Variants in CNTN6 observed in about 807,000 individuals in gnomAD.
The protein encoded by CNTN6 is contactin-6.
CNTN6 carries 137 observed loss-of-function variants against 122.8 expected under a neutral mutation model. The ratio of observed to expected loss-of-function variants is 1.12; its 90% CI spans 0.97 to 1.29. CNTN6 has a LOEUF of 1.29. CNTN6 is among the 50% of genes most tolerant of loss of function. The pLI is 0.00. For synonymous variants in CNTN6, 570 were observed against 426.0 expected (o/e 1.34, Z -4.16); for missense variants, 1,634 against 1,223.4 (o/e 1.34, Z -5.01).
chr3:1,254,268 T>G (rs1460363191), intron 4 of CNTN6, among the ~76,000 whole-genome samples: 1 of 152,156 alleles, frequency 6.6e-6, no homozygotes, highest in Non-Finnish European at 1.5e-5. Flanking sequence ...AAATTTTTAT[T>G]GTCTTTGTTT....
At chr3:1,370,429 C>T (rs1455277741) in intron 12 of CNTN6, among the ~76,000 whole-genome samples, 1 of 152,014 alleles carries the variant, frequency 6.6e-6, no homozygotes. Flanking sequence ...AGCACACCAA[C>T]ATGGATCCCT....
At chr3:1,144,616 G>C (rs1357374309) in intron 1 of CNTN6, among the ~76,000 whole-genome samples, 1 of 133,088 alleles carries the variant, frequency 7.5e-6, no homozygotes, top group African/African-American at 2.6e-5. Context: ...AATAAAAAAA[G>C]AATGAAGGGG....
rs76570009 is a variant in CNTN6, at chr3:1,175,268, A to C, written c.55+27205A>C. 9.5e-3 allele frequency among the ~76,000 whole-genome samples: 1,430 copies of C among 151,212 alleles called. 29 individuals are homozygous for C. Among genetic ancestry groups the C allele is most frequent in the African/African-American group, 0.034 (1,369 of 40,616 alleles). On this transcript the variant is annotated intron_variant, in intron 2 of 22. Transcript: ENST00000446702. ...AAGACATATCTTTAAGAGCATGTAA[A>C]AGGAAAATTCCACTTGATCTAAGGA...
chr3:1,240,968 C>G (rs1323598270), intron 4 of CNTN6, among the ~76,000 whole-genome samples: 1 of 151,492 alleles, frequency 6.6e-6, no homozygotes, highest in East Asian at 1.9e-4. Flanking sequence ...ATGGGTGGAT[C>G]TCACAAAGTA....
At chr3:1,276,225 A>C (rs998463396) in intron 4 of CNTN6, among the ~76,000 whole-genome samples, 4 of 152,200 alleles carry the variant, frequency 2.6e-5, no homozygotes, top group African/African-American at 9.6e-5. Flanking sequence ...ACTTTATGCC[A>C]ATCTAACAGG....
intron 4 of CNTN6, among the ~76,000 whole-genome samples, chr3:1,276,287 G>T (rs1229378789): frequency 6.6e-6 from 1 of 152,094 alleles, no homozygotes; most frequent in Non-Finnish European, 1.5e-5. Flanking sequence ...GGATAATGGT[G>T]TATCAATATT....
intron 17 of CNTN6, among the ~76,000 whole-genome samples, chr3:1,380,734 C>CA (rs1483331377): frequency 2.6e-5 from 4 of 152,142 alleles, no homozygotes; most frequent in Admixed American, 6.6e-5. Flanking sequence ...GGGTGTGTCT[C>CA]AAAACCTTTA....
chr3:1,243,551 G>T (rs1254602829), intron 4 of CNTN6, among the ~76,000 whole-genome samples: 3 of 151,936 alleles, frequency 2.0e-5, no homozygotes, highest in East Asian at 1.9e-4. Context: ...GACCTTTTAG[G>T]GTCTAGGGCT....
chr3:1,103,047 AGTGAGCCAAG>A (rs2091025910), intron 1 of CNTN6, among the ~76,000 whole-genome samples: 1 of 151,606 alleles, frequency 6.6e-6, no homozygotes, highest in African/African-American at 2.4e-5. Flanking sequence ...CGGAGCTTGC[AGTGAGCCAAG>A]ATGGCGCCAC....
intron 1 of CNTN6, among the ~76,000 whole-genome samples, chr3:1,122,337 C>T (rs1028861624): frequency 2.7e-5 from 3 of 111,818 alleles, no homozygotes; most frequent in South Asian, 2.8e-4. Flanking sequence ...GAAGGGAGGG[C>T]GAGAGAGAGG....
intron 1 of CNTN6, among the ~76,000 whole-genome samples, chr3:1,139,531 G>C (rs2092561440): frequency 6.6e-6 from 1 of 151,942 alleles, no homozygotes; most frequent in Admixed American, 6.6e-5. Context: ...CATCTTGCAA[G>C]AACAACCTTA....
chr3:1,116,819 C>T (rs1211044303), intron 1 of CNTN6, among the ~76,000 whole-genome samples: 4 of 150,434 alleles, frequency 2.7e-5, no homozygotes, highest in African/African-American at 9.8e-5. Flanking sequence ...ATTCTCATAA[C>T]TCAGTCTCCC....
rs1372696142 is a variant in CNTN6 at position 1,352,180 on chromosome 3, G to T, written c.1365-144G>T. 6.6e-6 allele frequency: 4 copies of T among 605,198 alleles called. No homozygotes were observed. In the South Asian group the frequency reaches 1.6e-4, roughly 24 times the overall value. 37.5% of individuals were successfully genotyped at this position (605,198 alleles called of 1,614,324 possible). On this transcript the variant is annotated intron_variant, in intron 11 of 22. Transcript: ENST00000446702. ...TGTAGACTCAGAGATAGCTCACAAT[G>T]AAGAACAGAATAATAGGAAAGGAAA...
At chr3:1,297,350 C>T (rs960820256) in intron 6 of CNTN6, among the ~76,000 whole-genome samples, 1 of 152,104 alleles carries the variant, frequency 6.6e-6, no homozygotes, top group Non-Finnish European at 1.5e-5. Flanking sequence ...TACAACTCCT[C>T]TGGTAGGCAG....
chr3:1,107,119 C>G (rs74952218), intron 1 of CNTN6, among the ~76,000 whole-genome samples: 2,985 of 152,156 alleles, frequency 0.02, 106 homozygotes, highest in African/African-American at 0.069. Flanking sequence ...TCTGGAAACA[C>G]CCTCACAGAC....
At chr3:1,245,270 TATATACACACACATATATATATAAC>T (rs2094556660) in intron 4 of CNTN6, among the ~76,000 whole-genome samples, 6 of 4,410 alleles carry the variant, frequency 1.4e-3, no homozygotes, top group South Asian at 0.013. Context: ...TATATATATA[TATATACACACACATATATATATAAC>T]ATATATATAT....
At chr3:1,281,866 A>T (rs73111137) in intron 5 of CNTN6, among the ~76,000 whole-genome samples, 1 of 152,202 alleles carries the variant, frequency 6.6e-6, no homozygotes, top group African/African-American at 2.4e-5. Context: ...ACTTGATATT[A>T]TCAGAATATC....
intron 2 of CNTN6, among the ~76,000 whole-genome samples, chr3:1,168,109 T>C (rs561109731): frequency 5.4e-4 from 82 of 151,940 alleles, no homozygotes; most frequent in African/African-American, 1.9e-3. Context: ...AGGTTCCCCA[T>C]GTTGGCCAGG....
At chr3:1,333,406 G>A (rs1702597627) in intron 11 of CNTN6, among the ~76,000 whole-genome samples, 1 of 151,934 alleles carries the variant, frequency 6.6e-6, no homozygotes, top group African/African-American at 2.4e-5. Context: ...CACTCAAATA[G>A]CAATATATAC....
Sources: allele counts gnomAD v4.1 joint callset (sites outside exome capture counted in the v4.1 genomes callset), GRCh38; gene constraint gnomAD v4.1.1; transcripts MANE v1.5; gene names NCBI Gene and HGNC (gene_info 2026-07-23, HGNC 2026-07-21).